Variants in LRCH3 observed in about 807,000 individuals in gnomAD.
LRCH3 encodes leucine rich repeats and calponin homology domain containing 3.
A neutral mutation model predicts 104.5 loss-of-function variants in LRCH3; 68 were observed. The ratio of observed to expected loss-of-function variants is 0.65; its 90% confidence interval spans 0.54 to 0.80. The LOEUF is 0.80. Ranked by LOEUF, LRCH3 falls within the 30% of genes least tolerant of loss-of-function variation. The pLI is 0.00. For synonymous variants in LRCH3, 344 were observed against 361.3 expected (o/e 0.95, Z 0.54); for missense variants, 951 against 953.9 (o/e 1.00, Z 0.04).
intron 15 of LRCH3, 56 bp downstream of exon 15, chr3:197,858,961 T>G: frequency 7.3e-7 from 1 of 1,377,582 alleles, no homozygotes; most frequent in Non-Finnish European, 1.0e-6. Flanking sequence ...GGATATAAGG[T>G]CTTGAATTTT....
At chr3:197,832,027 G>T (rs940656840) in intron 7 of LRCH3, among the ~76,000 whole-genome samples, 170 bp from the exon 8 acceptor site, 6 of 151,992 alleles carry the variant, frequency 3.9e-5, no homozygotes, top group African/African-American at 1.5e-4. Context: ...CGATCGTCTC[G>T]CCTCAACATC....
At chr3:197,791,668 C>T (rs1168942099) in intron 1 of LRCH3, 128 bp downstream of exon 1, 1 of 1,092,318 alleles carries the variant, frequency 9.2e-7, no homozygotes, top group African/African-American at 1.7e-5. Flanking sequence ...ACCCGGGTAA[C>T]GGGGAGAAGC....
In LRCH3 at chr3:197,852,629, A is replaced by G. The variant is rs746741697; in HGVS notation, c.1590+9A>G. 6.2e-7 allele frequency: 1 copy of G among 1,613,066 alleles called. No homozygotes were observed. On this transcript the variant is annotated intron_variant, in intron 13 of 20. Transcript: ENST00000425562. ...ATGGCGTAGATGGTGAGGTAAGTTG[A>G]TGTAATCTCCTTTTCTTTGGAGTTG...
intron 1 of LRCH3, among the ~76,000 whole-genome samples, chr3:197,807,025 C>T (rs895084464): frequency 1.9e-4 from 20 of 106,180 alleles, no homozygotes; most frequent in Admixed American, 1.8e-3. Flanking sequence ...GGCGACAGGG[C>T]GAGACCCTGT....
intron 10 of LRCH3, among the ~76,000 whole-genome samples, chr3:197,843,387 G>A (rs987447433): frequency 2.6e-5 from 4 of 152,030 alleles, no homozygotes; most frequent in African/African-American, 9.7e-5. Flanking sequence ...AGTGCTGGGT[G>A]TAATCCCAGC....
intron 17 of LRCH3, among the ~76,000 whole-genome samples, chr3:197,867,651 A>G (rs1006813528): frequency 6.6e-6 from 1 of 151,374 alleles, no homozygotes; most frequent in Non-Finnish European, 1.5e-5. Context: ...CAGGAGATCG[A>G]GACCATCCTG....
rs768883035 is a variant in LRCH3 at position 197,866,160 on chromosome 3, A to G, written c.1814A>G (p.Gln605Arg). 2.4e-5 allele frequency: 39 copies of G among 1,614,054 alleles called. No individual in the cohort carries two copies. Among genetic ancestry groups the G allele is most frequent in the Non-Finnish European group, 3.3e-5 (39 of 1,180,014 alleles). The change falls in exon 17 of 21, where the codon CAG becomes CGG. Residue 605 changes from glutamine (Q) to arginine (R), a missense_variant. Coordinates refer to ENST00000425562, the MANE Select transcript of LRCH3 (RefSeq NM_001365715.1). ...TTTCCTGCTGCTATCCAGAGAAATC[A>G]GCCTCAGCGCCCTGAAAGCTTCCTT... ...YSFPAAIQRN[Q>R]PQRPESFLFR... is the part of the protein sequence containing the mutation.
chr3:197,875,171 T>TC (rs1419411874), intron 19 of LRCH3, among the ~76,000 whole-genome samples: 1 of 152,060 alleles, frequency 6.6e-6, no homozygotes, highest in Non-Finnish European at 1.5e-5. Flanking sequence ...CCTGAGGTGA[T>TC]CCGCCCACCT....
At position 197,887,877 on chromosome 3, in the gene LRCH3, C is replaced by T. The variant is rs1399976983; in HGVS notation, c.*4211C>T. On this transcript the variant is annotated 3_prime_UTR_variant, in exon 21 of 21. Transcript: ENST00000425562. ...AGCCCTTGCCACGTACAGAGATTTT[C>T]TGTCAGCAGTTTCCCAGTATTTCAG... 2 of 153,858 alleles carry T rather than the reference C, an allele frequency of 1.3e-5. No individual in the cohort carries two copies. The highest frequency in any genetic ancestry group is 2.9e-5 in the Non-Finnish European group (2 of 68,806). 9.5% of individuals were successfully genotyped at this position (153,858 alleles called of 1,614,324 possible).
At chr3:197,838,139 G>A (rs1412716467) in intron 9 of LRCH3, among the ~76,000 whole-genome samples, 1 of 152,102 alleles carries the variant, frequency 6.6e-6, no homozygotes, top group Non-Finnish European at 1.5e-5. Context: ...AAGTGGTGTA[G>A]CTTGGCCTGG....
chr3:197,851,146 C>T (rs542393926), intron 12 of LRCH3, among the ~76,000 whole-genome samples: 1 of 152,272 alleles, frequency 6.6e-6, no homozygotes, highest in East Asian at 1.9e-4. Flanking sequence ...TATGCTGCCT[C>T]TCGGTAATAA....
intron 17 of LRCH3, among the ~76,000 whole-genome samples, chr3:197,867,554 A>G (rs948325445): frequency 2.6e-5 from 4 of 151,478 alleles, no homozygotes; most frequent in African/African-American, 9.7e-5. Flanking sequence ...CCCATCTCTT[A>G]AAAAAATACA....
At position 197,823,755 on chromosome 3, in the gene LRCH3, AT is replaced by A. The variant is rs533790294; in HGVS notation, c.641-3121del. On this transcript the variant is annotated intron_variant, in intron 4 of 20. Coordinates refer to ENST00000425562, the MANE Select transcript of LRCH3 (RefSeq NM_001365715.1). ...CACCTCAGCCTCCCAAAGTGCTGAGATTACAGGCATGAGCCACAGTGCCCAG... is the reference window on the plus strand; with the variant it reads ...CACCTCAGCCTCCCAAAGTGCTGAGATACAGGCATGAGCCACAGTGCCCAG... 3.8e-3 allele frequency among the ~76,000 whole-genome samples: 585 copies of A among 152,272 alleles called. 2 individuals are homozygous for A. Among genetic ancestry groups the A allele is most frequent in the Non-Finnish European group, 5.1e-3 (345 of 68,014 alleles).
At chr3:197,824,577 T>G (rs1261877681) in intron 4 of LRCH3, among the ~76,000 whole-genome samples, 1 of 149,236 alleles carries the variant, frequency 6.7e-6, no homozygotes, top group East Asian at 2.0e-4. Context: ...GCCCAGCTTT[T>G]TTTTTTTTTG....
intron 4 of LRCH3, among the ~76,000 whole-genome samples, chr3:197,823,690 A>T (rs1245164529): frequency 6.6e-6 from 1 of 151,164 alleles, no homozygotes; most frequent in Admixed American, 6.6e-5. Flanking sequence ...GGGTCTCACC[A>T]TGTTCCCCTG....
At chr3:197,834,956 C>T (rs553286461) in intron 8 of LRCH3, among the ~76,000 whole-genome samples, 13 of 152,084 alleles carry the variant, frequency 8.5e-5, no homozygotes, top group South Asian at 2.1e-4. Flanking sequence ...CCAGCCTGGC[C>T]AACATGGTGA....
chr3:197,833,257 C>T (rs894208992), intron 8 of LRCH3, among the ~76,000 whole-genome samples: 10 of 150,548 alleles, frequency 6.6e-5, no homozygotes, highest in South Asian at 4.2e-4. Context: ...TGGTGGCTCA[C>T]GCCTGTAATC....
intron 8 of LRCH3, among the ~76,000 whole-genome samples, chr3:197,835,291 C>T (rs928351821): frequency 6.6e-6 from 1 of 151,570 alleles, no homozygotes; most frequent in African/African-American, 2.4e-5. Context: ...TCAAGCAATT[C>T]TCTTGTCTCA....
chr3:197,872,667 G>C (rs761250015), intron 19 of LRCH3, among the ~76,000 whole-genome samples: 5 of 152,200 alleles, frequency 3.3e-5, no homozygotes, highest in Admixed American at 6.5e-5. Flanking sequence ...GACCAGCCTG[G>C]CCAACATGGT....
Sources: gnomAD v4.1 joint callset for allele counts (sites outside exome capture counted in the v4.1 genomes callset) on GRCh38, gnomAD v4.1.1 for gene constraint, MANE v1.5 for transcripts, NCBI Gene and HGNC (gene_info 2026-07-23, HGNC 2026-07-21) for gene names.